The following TMEM217B variants were observed in gnomAD, a reference collection of about 807,000 sequenced individuals.
TMEM217B encodes transmembrane protein 217B.
At chr6:37,245,630 G>A in the TMEM217B span, among the ~76,000 whole-genome samples, 1 of 152,126 alleles carries the variant, frequency 6.6e-6, no homozygotes, top group Non-Finnish European at 1.5e-5. Context: ...GTGGGAAAGG[G>A]ATTTATATCA....
the TMEM217B span, among the ~76,000 whole-genome samples, chr6:37,213,736 G>T: frequency 4.8e-4 from 73 of 152,378 alleles, no homozygotes; most frequent in Admixed American, 1.6e-3. Context: ...AGGGCATGTT[G>T]ATAATGGGGG....
chr6:37,241,849 A>G, the TMEM217B span, among the ~76,000 whole-genome samples: 1 of 151,968 alleles, frequency 6.6e-6, no homozygotes, highest in Non-Finnish European at 1.5e-5. Flanking sequence ...ACCTCTTCTC[A>G]CTCCTTTTCC....
the TMEM217B span, among the ~76,000 whole-genome samples, chr6:37,231,083 A>G: frequency 4.0e-5 from 6 of 151,788 alleles, no homozygotes; most frequent in Non-Finnish European, 1.5e-5. Flanking sequence ...TCTTTTTGAG[A>G]TGGAGTCTTA....
the TMEM217B span, among the ~76,000 whole-genome samples, chr6:37,236,170 A>G: frequency 6.6e-6 from 1 of 152,320 alleles, no homozygotes; most frequent in East Asian, 1.9e-4. Context: ...TTAAAAAAAC[A>G]GAGACATGGT....
the TMEM217B span, among the ~76,000 whole-genome samples, chr6:37,249,182 G>T: frequency 6.6e-6 from 1 of 152,152 alleles, no homozygotes; most frequent in South Asian, 2.1e-4. Flanking sequence ...AGGTTCCAGG[G>T]ATTTTAATGT....
the TMEM217B span, chr6:37,215,360 AG>A: frequency 6.6e-7 from 1 of 1,505,168 alleles, no homozygotes; most frequent in Non-Finnish European, 8.9e-7. Flanking sequence ...GCGGATCACG[AG>A]GTCAGGAGTT....
chr6:37,253,185 A>G, the TMEM217B span, among the ~76,000 whole-genome samples: 2 of 152,200 alleles, frequency 1.3e-5, no homozygotes, highest in African/African-American at 4.8e-5. Flanking sequence ...TGCCCTCTTT[A>G]ATGGTATAAC....
At chr6:37,254,961 G>A in the TMEM217B span, among the ~76,000 whole-genome samples, 2 of 152,286 alleles carry the variant, frequency 1.3e-5, no homozygotes, top group South Asian at 4.1e-4. Context: ...TCCCTTGTAT[G>A]AGCAGTTCAC....
the TMEM217B span, chr6:37,212,461 G>A: frequency 0.78 from 348,945 of 447,330 alleles, 137,595 homozygotes; most frequent in East Asian, 0.89. Context: ...AGGTAGTCAT[G>A]AGTTCACTGC....
chr6:37,227,456 T>C, the TMEM217B span, among the ~76,000 whole-genome samples: 1 of 152,172 alleles, frequency 6.6e-6, no homozygotes, highest in African/African-American at 2.4e-5. Flanking sequence ...TTGTTTTTTG[T>C]TTTTGTTTGA....
chr6:37,225,492 GA>G, the TMEM217B span, among the ~76,000 whole-genome samples: 1 of 152,008 alleles, frequency 6.6e-6, no homozygotes, highest in Non-Finnish European at 1.5e-5. Flanking sequence ...GTTCCCTAAG[GA>G]AAAAAATAAA....
chr6:37,215,632 G>A, the TMEM217B span, among the ~76,000 whole-genome samples: 5 of 146,912 alleles, frequency 3.4e-5, no homozygotes, highest in African/African-American at 5.1e-5. Context: ...ACAATGCAAC[G>A]TGATAAATGT....
the TMEM217B span, among the ~76,000 whole-genome samples, chr6:37,226,664 C>T: frequency 7.2e-5 from 11 of 152,138 alleles, no homozygotes; most frequent in South Asian, 1.5e-3. Context: ...CAGGTTAAAG[C>T]GATTCTCCTG....
the TMEM217B span, among the ~76,000 whole-genome samples, chr6:37,230,232 G>T: frequency 1.2e-4 from 18 of 152,194 alleles, no homozygotes; most frequent in African/African-American, 3.4e-4. Context: ...TTATGGGTTC[G>T]TGTGGTAAGA....
At chr6:37,258,119 T>C in the TMEM217B span, 1 of 904,394 alleles carries the variant, frequency 1.1e-6, no homozygotes, top group South Asian at 1.9e-5. Context: ...AGGGCAGCTG[T>C]CAGGCAGCGA....
chr6:37,235,051 T>C, the TMEM217B span, among the ~76,000 whole-genome samples: 1 of 152,224 alleles, frequency 6.6e-6, no homozygotes, highest in Admixed American at 6.5e-5. Context: ...CAGTATCTTC[T>C]TAACTGCAAA....
chr6:37,227,379 CT>C, the TMEM217B span, among the ~76,000 whole-genome samples: 1 of 152,188 alleles, frequency 6.6e-6, no homozygotes, highest in African/African-American at 2.4e-5. Flanking sequence ...CCTTCCCATT[CT>C]TTTTCCCATC....
the TMEM217B span, among the ~76,000 whole-genome samples, chr6:37,250,411 A>G: frequency 2.0e-5 from 3 of 152,326 alleles, no homozygotes; most frequent in African/African-American, 7.2e-5. Context: ...TCTTGTGTGT[A>G]TGATATATTT....
At chr6:37,215,367 G>T in the TMEM217B span, 1 of 1,475,324 alleles carries the variant, frequency 6.8e-7, no homozygotes, top group Non-Finnish European at 9.1e-7. Context: ...ACGAGGTCAG[G>T]AGTTCAAGAC....
Sources: gnomAD v4.1 joint callset for allele counts (sites outside exome capture counted in the v4.1 genomes callset) on GRCh38, gnomAD v4.1.1 for gene constraint, MANE v1.5 for transcripts, NCBI Gene and HGNC (gene_info 2026-07-23, HGNC 2026-07-21) for gene names.